Variants in NDC1 observed in about 807,000 individuals in gnomAD.
The protein encoded by NDC1 is NDC1 transmembrane nucleoporin.
In NDC1, 24 loss-of-function variants were observed where a neutral mutation model predicts 89.8. The ratio of observed to expected loss-of-function variants is 0.27; its 90% CI spans 0.19 to 0.38. The LOEUF is 0.38. Among genes scored for constraint, NDC1 ranks in the 10% least tolerant of loss-of-function variants. The pLI, the probability that NDC1 is intolerant of heterozygous loss-of-function variation, is 1.00. For missense variants in NDC1, 728 were observed against 797.6 expected (o/e 0.91, Z 1.05); for synonymous variants, 296 against 284.8 (o/e 1.04, Z -0.39).
At chr1:53,770,263 G>A (rs1403139980) in intron 17 of NDC1, among the ~76,000 whole-genome samples, 4 of 151,796 alleles carry the variant, frequency 2.6e-5, no homozygotes, top group African/African-American at 9.7e-5. Flanking sequence ...AAACTAAGGC[G>A]GAATTTCATT....
chr1:53,774,561 G>A (rs1647146178), intron 16 of NDC1, among the ~76,000 whole-genome samples: 1 of 152,012 alleles, frequency 6.6e-6, no homozygotes, highest in Non-Finnish European at 1.5e-5. Flanking sequence ...ACAATTTACA[G>A]ATGACAAGGT....
chr1:53,834,916 T>C (rs1649179718), intron 2 of NDC1, among the ~76,000 whole-genome samples: 1 of 152,038 alleles, frequency 6.6e-6, no homozygotes, highest in South Asian at 2.1e-4. Flanking sequence ...AAGACCAGCC[T>C]GGGTAACGTG....
At chr1:53,791,996 C>G (rs894822043) in intron 14 of NDC1, among the ~76,000 whole-genome samples, 2 of 151,354 alleles carry the variant, frequency 1.3e-5, no homozygotes, top group Non-Finnish European at 1.5e-5. Flanking sequence ...AGGCCGGACT[C>G]CAGTGGCTCT....
chr1:53,799,698 T>C (rs1232233666), intron 11 of NDC1, among the ~76,000 whole-genome samples: 1 of 152,148 alleles, frequency 6.6e-6, no homozygotes, highest in African/African-American at 2.4e-5. Flanking sequence ...AACCAACAGC[T>C]TCCCCCTTCA....
Position 53,832,554 on chromosome 1 carries a change from A to G in NDC1, c.216T>C (p.Phe72=). 5.0e-6 allele frequency: 8 copies of G among 1,598,908 alleles called. No homozygotes were observed. Among genetic ancestry groups the G allele is most frequent in the East Asian group, 2.2e-5 (1 of 44,766 alleles). Residue 72 remains phenylalanine (F), a synonymous_variant, in exon 3 of 18, where the codon TTT becomes TTC. Coordinates refer to ENST00000371429, the MANE Select transcript of NDC1 (RefSeq NM_018087.5). ...TTACCACTGACAGCAGCAGGAAGTA[A>G]AAGATTACATAGGAACTATACAGGT... is the stretch of plus-strand genomic sequence containing the variant. ...FSDLYSSYVI[F]YFLLLSVVII...
chr1:53,783,825 GC>G (rs544797228), intron 16 of NDC1, among the ~76,000 whole-genome samples: 6 of 152,176 alleles, frequency 3.9e-5, no homozygotes, highest in Non-Finnish European at 7.3e-5. Flanking sequence ...GAACTTCCCA[GC>G]CTCTAGGACC....
At chr1:53,812,212 C>A (rs2100671118) in intron 6 of NDC1, among the ~76,000 whole-genome samples, 1 of 151,986 alleles carries the variant, frequency 6.6e-6, no homozygotes, top group South Asian at 2.1e-4. Flanking sequence ...TCAACACCCC[C>A]AAAAAAAATC....
At chr1:53,795,678 C>T (rs185692842) in intron 13 of NDC1, among the ~76,000 whole-genome samples, 1 of 152,174 alleles carries the variant, frequency 6.6e-6, no homozygotes, top group East Asian at 1.9e-4. Flanking sequence ...CCACATCTTA[C>T]AGCCCCCACC....
At position 53,809,608 on chromosome 1, in the gene NDC1, C is replaced by T. The variant is rs751801531; in HGVS notation, c.755+87G>A. 18 of 1,032,292 alleles carry T rather than the reference C, an allele frequency of 1.7e-5. No homozygotes were observed. In the South Asian group the frequency reaches 2.4e-4, roughly 14 times the overall value. The allele number at this position is 1,032,292 out of a possible 1,614,324, so 63.9% of individuals were successfully genotyped here. A position where few individuals can be genotyped will look rare whatever the true frequency, so the allele number is the denominator to read the frequency against. On this transcript the variant is annotated intron_variant, in intron 7 of 17. Coordinates refer to ENST00000371429, the MANE Select transcript of NDC1 (RefSeq NM_018087.5). ...ACAATTTTTAAAAAAATGTTAAAGGCAAAATCTAAACAAAATATCTGGAAA... is the reference window on the plus strand; with the variant it reads ...ACAATTTTTAAAAAAATGTTAAAGGTAAAATCTAAACAAAATATCTGGAAA...
At position 53,828,104 on chromosome 1, in the gene NDC1, T is replaced by C. The variant is rs368557375; in HGVS notation, c.350A>G (p.His117Arg). Residue 117 changes from histidine to arginine, a missense_variant, in exon 4 of 18, where the codon CAC becomes CGC. By Grantham distance (29) the His-to-Arg change is conservative (BLOSUM62 0). Transcript: ENST00000371429. ...GKIIHPQQLM[H>R]SFIHAAMGMV... is the part of the protein sequence containing the mutation. ...TCCCATTGCAGCATGAATAAATGAG[T>C]GCATGAGTTGCTGAGGATGAATGAT... 3.8e-5 allele frequency: 61 copies of C among 1,614,026 alleles called. No individual in the cohort carries two copies. The highest frequency in any genetic ancestry group is 2.0e-4 in the African/African-American group (15 of 74,996).
At chr1:53,779,917 T>C (rs1350109104) in intron 16 of NDC1, among the ~76,000 whole-genome samples, 1 of 152,108 alleles carries the variant, frequency 6.6e-6, no homozygotes, top group Non-Finnish European at 1.5e-5. Context: ...GCTCTGGCCC[T>C]CAAGAATATT....
rs2100650920 is a variant in NDC1 at position 53,796,778 on chromosome 1, G to T, written c.1495C>A (p.Pro499Thr). 1 of 1,610,386 alleles carries T rather than the reference G, an allele frequency of 6.2e-7. No homozygotes were observed. Among genetic ancestry groups the T allele is most frequent in the Non-Finnish European group, 8.5e-7 (1 of 1,179,122 alleles). The change falls in exon 13 of 18, where the codon CCT becomes ACT. Residue 499 changes from proline to threonine, a missense_variant. Pro to Thr is a conservative substitution (Grantham distance 38). Transcript: ENST00000371429. Reference sequence around the variant, plus strand: ...GCACTAATAGAGGTAGATGGAGAAGGATTAGAAAATTCAGTCATTTGCTGA... The same window carrying T: ...GCACTAATAGAGGTAGATGGAGAAGTATTAGAAAATTCAGTCATTTGCTGA... ...SDQQMTEFSNPSPSTSISAEG... is the reference protein window; with the variant it reads ...SDQQMTEFSNTSPSTSISAEG...
intron 13 of NDC1, among the ~76,000 whole-genome samples, chr1:53,796,148 C>T (rs1019275793): frequency 2.0e-5 from 3 of 152,222 alleles, no homozygotes. Flanking sequence ...CCCTTAGGAA[C>T]TCTCTGTCTT....
At chr1:53,791,355 C>G (rs1647495101) in intron 14 of NDC1, among the ~76,000 whole-genome samples, 2 of 151,306 alleles carry the variant, frequency 1.3e-5, no homozygotes, top group Admixed American at 1.3e-4. Context: ...GGAGGCGGAG[C>G]TTGCAGTGAG....
At chr1:53,805,302 C>A (rs923283407) in intron 9 of NDC1, among the ~76,000 whole-genome samples, 1 of 152,134 alleles carries the variant, frequency 6.6e-6, no homozygotes, top group African/African-American at 2.4e-5. Context: ...CTCTTAGGCT[C>A]AAGGAATGCA....
intron 7 of NDC1, among the ~76,000 whole-genome samples, chr1:53,808,071 G>A (rs1282874686): frequency 1.3e-5 from 2 of 152,166 alleles, no homozygotes; most frequent in Non-Finnish European, 2.9e-5. Context: ...AAGCCTATAA[G>A]CCTCACTACG....
intron 13 of NDC1, among the ~76,000 whole-genome samples, chr1:53,795,152 C>A (rs936979243): frequency 6.6e-6 from 1 of 152,106 alleles, no homozygotes; most frequent in Non-Finnish European, 1.5e-5. Context: ...ACACTCCCAC[C>A]TTCTCCTCCT....
chr1:53,805,256 T>G (rs1052718072), intron 9 of NDC1, among the ~76,000 whole-genome samples: 3 of 152,110 alleles, frequency 2.0e-5, no homozygotes, highest in Non-Finnish European at 2.9e-5. Context: ...CAGGCTAGAG[T>G]GCAGTGGCAG....
At chr1:53,809,543 AATTTTAAACCATATAAACT>A in intron 7 of NDC1, 133 bp downstream of exon 7, 1 of 544,476 alleles carries the variant, frequency 1.8e-6, no homozygotes, top group East Asian at 3.4e-5. Context: ...ACACCTTTGG[AATTTTAAACCATATAAACT>A]ATATGTATTC....
Sources: allele counts gnomAD v4.1 joint callset (sites outside exome capture counted in the v4.1 genomes callset), GRCh38; gene constraint gnomAD v4.1.1; transcripts MANE v1.5; gene names NCBI Gene and HGNC (gene_info 2026-07-23, HGNC 2026-07-21).